Variants in GRB14 observed in about 807,000 individuals in gnomAD.
GRB14 encodes the protein growth factor receptor-bound protein 14.
GRB14 carries 38 observed loss-of-function variants against 69.1 expected under a neutral mutation model. The observed-to-expected ratio is 0.55, with a 90% confidence interval of 0.42 to 0.72. The LOEUF is 0.72. GRB14 is among the 30% of genes least tolerant of loss of function. The pLI is 0.00. For synonymous variants in GRB14, 247 were observed against 241.3 expected (o/e 1.02, Z -0.22); for missense variants, 666 against 666.1 (o/e 1.00, Z 0.00).
At chr2:164,602,371 C>A (rs1373098862) in intron 2 of GRB14, among the ~76,000 whole-genome samples, 1 of 151,650 alleles carries the variant, frequency 6.6e-6, no homozygotes, top group African/African-American at 2.4e-5. Context: ...CTGAAATTAC[C>A]AAAATTCAAT....
chr2:164,563,214 T>G (rs1240032390), intron 2 of GRB14, among the ~76,000 whole-genome samples: 1 of 152,180 alleles, frequency 6.6e-6, no homozygotes, highest in Non-Finnish European at 1.5e-5. Flanking sequence ...TAGAATATTA[T>G]TTGCTCAAAA....
At chr2:164,596,013 A>G (rs1020567518) in intron 2 of GRB14, among the ~76,000 whole-genome samples, 2 of 152,064 alleles carry the variant, frequency 1.3e-5, no homozygotes, top group East Asian at 1.9e-4. Flanking sequence ...AGTCCCAGCC[A>G]CTCGGAAGGC....
chr2:164,554,492 C>T (rs1688627985), intron 2 of GRB14, among the ~76,000 whole-genome samples: 3 of 152,088 alleles, frequency 2.0e-5, no homozygotes, highest in Non-Finnish European at 1.5e-5. Flanking sequence ...AGAAACATAG[C>T]ACTGATAATG....
chr2:164,581,398 A>C (rs1027494725), intron 2 of GRB14, among the ~76,000 whole-genome samples: 2 of 152,194 alleles, frequency 1.3e-5, no homozygotes, highest in Admixed American at 1.3e-4. Context: ...AAAGAGAGAG[A>C]AAGAGGAGGA....
At chr2:164,499,493 G>T (rs540997330) in intron 9 of GRB14, among the ~76,000 whole-genome samples, 1 of 152,234 alleles carries the variant, frequency 6.6e-6, no homozygotes, top group Admixed American at 6.5e-5. Flanking sequence ...GTCATTTTCA[G>T]ATCAATTTCT....
Position 164,594,867 on chromosome 2 carries a change from C to T in GRB14, c.324+24820G>A, listed in dbSNP as rs554257041. ...CAAGAAGAGGCAAAGAAAAGTGTAT[C>T]CCTGTAGTTCTTCAAGGTCAGACTT... On this transcript the variant is annotated intron_variant, in intron 2 of 13. Transcript: ENST00000263915. Among the ~76,000 whole-genome samples, 11 of 152,272 alleles carry T rather than the reference C, an allele frequency of 7.2e-5. No individual in the cohort carries two copies. The South Asian group carries it at 2.1e-3, about 29-fold the overall frequency.
chr2:164,605,746 A>G (rs1035204344), intron 2 of GRB14, among the ~76,000 whole-genome samples: 1 of 152,214 alleles, frequency 6.6e-6, no homozygotes, highest in Admixed American at 6.5e-5. Context: ...GCTGCAGAAA[A>G]GTAAAGTAGG....
chr2:164,614,425 A>G (rs952834282), intron 2 of GRB14, among the ~76,000 whole-genome samples: 1 of 152,210 alleles, frequency 6.6e-6, no homozygotes, highest in Non-Finnish European at 1.5e-5. Flanking sequence ...TTGTAATTTG[A>G]GAATTTCATG....
intron 2 of GRB14, among the ~76,000 whole-genome samples, chr2:164,556,348 T>C (rs1205269010): frequency 6.6e-6 from 1 of 152,154 alleles, no homozygotes; most frequent in African/African-American, 2.4e-5. Context: ...TCCAATCCTC[T>C]CCACTTGCGA....
At chr2:164,603,066 GT>G (rs1422987780) in intron 2 of GRB14, among the ~76,000 whole-genome samples, 2 of 152,126 alleles carry the variant, frequency 1.3e-5, no homozygotes, top group Non-Finnish European at 2.9e-5. Flanking sequence ...GATTAGAGAG[GT>G]GGTCCAGCTG....
chr2:164,600,178 G>A (rs1422706957), intron 2 of GRB14, among the ~76,000 whole-genome samples: 4 of 152,176 alleles, frequency 2.6e-5, no homozygotes, highest in East Asian at 1.9e-4. Flanking sequence ...TTTAAACAGC[G>A]CCCCCCTGTG....
At chr2:164,564,460 G>C (rs1392849822) in intron 2 of GRB14, among the ~76,000 whole-genome samples, 3 of 152,200 alleles carry the variant, frequency 2.0e-5, no homozygotes, top group Non-Finnish European at 2.9e-5. Context: ...CTAATTGTAT[G>C]AGGAAAGAAA....
At chr2:164,600,005 T>G (rs1015280120) in intron 2 of GRB14, among the ~76,000 whole-genome samples, 1 of 152,214 alleles carries the variant, frequency 6.6e-6, no homozygotes, top group African/African-American at 2.4e-5. Context: ...GATCCTTACT[T>G]AAATAAGTTT....
chr2:164,612,710 CTT>C (rs1444611097), intron 2 of GRB14, among the ~76,000 whole-genome samples: 1 of 152,022 alleles, frequency 6.6e-6, no homozygotes, highest in Non-Finnish European at 1.5e-5. Context: ...AAAATCCACA[CTT>C]ATATTGAACC....
At position 164,492,873 on chromosome 2, in the gene GRB14, A is replaced by G; in HGVS notation, c.*163T>C. 1.8e-6 allele frequency: 1 copy of G among 556,176 alleles called. No individual in the cohort carries two copies. Among genetic ancestry groups the G allele is most frequent in the Admixed American group, 3.7e-5 (1 of 27,244 alleles). 34.5% of individuals were successfully genotyped at this position (556,176 alleles called of 1,614,324 possible). A position where few individuals can be genotyped will look rare whatever the true frequency, so the allele number is the denominator to read the frequency against. On this transcript the variant is annotated 3_prime_UTR_variant, in exon 14 of 14. Coordinates refer to ENST00000263915, the MANE Select transcript of GRB14 (RefSeq NM_004490.3). The stretch of plus-strand genomic sequence containing the variant: ...ATTTTAAATGATGAATGTAAAGTCA[A>G]TCCAAGTCTTTGCTTATTTGCAATG...
chr2:164,520,612 C>T (rs1687611975), intron 6 of GRB14, among the ~76,000 whole-genome samples: 1 of 152,068 alleles, frequency 6.6e-6, no homozygotes, highest in South Asian at 2.1e-4. Context: ...CTACATCTGA[C>T]AAAGGACTAA....
chr2:164,568,490 A>C (rs1452770532), intron 2 of GRB14: 1 of 1,140,642 alleles, frequency 8.8e-7, no homozygotes, highest in Non-Finnish European at 1.1e-6. Context: ...CAACTAGGAA[A>C]GTAATAAATG....
chr2:164,528,102 A>G (rs942605787), intron 3 of GRB14, among the ~76,000 whole-genome samples: 1 of 152,088 alleles, frequency 6.6e-6, no homozygotes, highest in Non-Finnish European at 1.5e-5. Context: ...CTACTTACAT[A>G]AGGTTCAAAA....
intron 2 of GRB14, among the ~76,000 whole-genome samples, chr2:164,614,342 G>A (rs1690235503): frequency 6.6e-6 from 1 of 152,190 alleles, no homozygotes; most frequent in South Asian, 2.1e-4. Flanking sequence ...TACAATTTAT[G>A]ATGTTGTTTC....
Sources: gnomAD v4.1 joint callset for allele counts (sites outside exome capture counted in the v4.1 genomes callset) on GRCh38, gnomAD v4.1.1 for gene constraint, MANE v1.5 for transcripts, NCBI Gene and HGNC (gene_info 2026-07-23, HGNC 2026-07-21) for gene names.